ARMC8: variants seen among roughly 807,000 people sequenced by gnomAD.
ARMC8 encodes armadillo repeat containing 8, also known as armadillo repeat-containing protein 8.
A neutral mutation model predicts 99.3 loss-of-function variants in ARMC8; 20 were observed. That is an observed-to-expected ratio of 0.20 (90% CI 0.14 to 0.29). The LOEUF (loss-of-function observed/expected upper bound fraction) is 0.29, where lower values mean the gene tolerates loss of function less well. ARMC8 is among the 10% of genes least tolerant of loss of function. The pLI is 1.00. For synonymous variants in ARMC8, 263 were observed against 278.3 expected, an observed-to-expected ratio of 0.95 and a Z score of 0.55; for missense variants, 569 against 809.5, an observed-to-expected ratio of 0.70 and a Z score of 3.60.
intron 1 of ARMC8, among the ~76,000 whole-genome samples, chr3:138,197,037 A>G (rs1010682749): frequency 5.9e-5 from 9 of 152,232 alleles, no homozygotes; most frequent in African/African-American, 2.2e-4. Flanking sequence ...CTTTGTTCAC[A>G]GAAAGGGCAT....
intron 10 of ARMC8, among the ~76,000 whole-genome samples, chr3:138,241,366 T>A (rs1463447566): frequency 2.0e-5 from 3 of 152,212 alleles, no homozygotes; most frequent in Non-Finnish European, 2.9e-5. Flanking sequence ...AAGGAAGAGA[T>A]AGCATACTTT....
chr3:138,281,012 A>G (rs1385324034), intron 18 of ARMC8, among the ~76,000 whole-genome samples: 1 of 152,154 alleles, frequency 6.6e-6, no homozygotes, highest in Non-Finnish European at 1.5e-5. Context: ...GTCTCTAGCA[A>G]CTACTCCTCT....
Position 138,202,288 on chromosome 3 carries a change from C to G in ARMC8, c.46-7529C>G, listed in dbSNP as rs555688300. 2.6e-5 allele frequency among the ~76,000 whole-genome samples: 4 copies of G among 152,234 alleles called. No individual in the cohort carries two copies. The East Asian group carries it at 7.7e-4, about 29-fold the overall frequency. ...GGGAATTGTAATGCTATTTTAATTT[C>G]TAAAGAGCAAATGAATTAAATGAAT... On this transcript the variant is annotated intron_variant, in intron 1 of 21. Coordinates refer to ENST00000469044, the MANE Select transcript of ARMC8 (RefSeq NM_001363941.2).
At chr3:138,255,418 A>G (rs577205952) in intron 12 of ARMC8, among the ~76,000 whole-genome samples, 44 of 151,930 alleles carry the variant, frequency 2.9e-4, no homozygotes, top group African/African-American at 9.4e-4. Context: ...TAGTCAGGAC[A>G]GTCTCGATCT....
chr3:138,255,944 C>A (rs568603610), intron 12 of ARMC8, among the ~76,000 whole-genome samples: 1 of 152,004 alleles, frequency 6.6e-6, no homozygotes, highest in Non-Finnish European at 1.5e-5. Context: ...TTCGCCTGGG[C>A]GACAGAGTGA....
intron 12 of ARMC8, among the ~76,000 whole-genome samples, chr3:138,252,216 A>T (rs1172293040): frequency 6.6e-6 from 1 of 152,188 alleles, no homozygotes; most frequent in Non-Finnish European, 1.5e-5. Flanking sequence ...AATTAAAAGA[A>T]GAATATTTTC....
At chr3:138,196,073 A>C (rs1254312124) in intron 1 of ARMC8, among the ~76,000 whole-genome samples, 1 of 152,218 alleles carries the variant, frequency 6.6e-6, no homozygotes, top group Admixed American at 6.5e-5. Flanking sequence ...CCTGGAAAGT[A>C]ATTATCGAAC....
At chr3:138,279,930 A>T (rs1297528318) in intron 18 of ARMC8, among the ~76,000 whole-genome samples, 1 of 151,326 alleles carries the variant, frequency 6.6e-6, no homozygotes, top group Non-Finnish European at 1.5e-5. Flanking sequence ...TTGGAGACAG[A>T]GTCTCGCTGT....
intron 18 of ARMC8, among the ~76,000 whole-genome samples, chr3:138,282,635 C>CAAAA (rs760470914): frequency 2.1e-5 from 1 of 47,498 alleles, no homozygotes. Context: ...GACTCCATCT[C>CAAAA]AAAAAAAAAA....
At chr3:138,289,507 A>G (rs561966660) in intron 20 of ARMC8, among the ~76,000 whole-genome samples, 1 of 152,200 alleles carries the variant, frequency 6.6e-6, no homozygotes, top group Non-Finnish European at 1.5e-5. Context: ...GCAGATAAGC[A>G]TGATGGAGAA....
At chr3:138,200,349 T>A (rs559530196) in intron 1 of ARMC8, among the ~76,000 whole-genome samples, 5 of 152,344 alleles carry the variant, frequency 3.3e-5, no homozygotes, top group African/African-American at 1.2e-4. Flanking sequence ...CTGAAATGAA[T>A]GACTTTTGGT....
At chr3:138,272,135 G>A (rs2048860403) in intron 16 of ARMC8, among the ~76,000 whole-genome samples, 1 of 152,186 alleles carries the variant, frequency 6.6e-6, no homozygotes, top group Non-Finnish European at 1.5e-5. Flanking sequence ...TGGTAGCTCA[G>A]ACACACCTCC....
intron 5 of ARMC8, among the ~76,000 whole-genome samples, chr3:138,227,302 T>C (rs1041088983): frequency 1.3e-5 from 2 of 152,126 alleles, no homozygotes; most frequent in African/African-American, 2.4e-5. Context: ...TGTGAGAACA[T>C]AGAGAAAAGG....
chr3:138,271,798 C>CTTTTTTTTTTTTTTTTTTTTT lies in ARMC8; in HGVS notation c.1480-1154_1480-1153insTTTTTTTTTTTTTTTTTTTTT, dbSNP rs776320900. Among the ~76,000 whole-genome samples the CTTTTTTTTTTTTTTTTTTTTT allele has an allele frequency of 1.2e-4, 17 of 136,130 alleles. 1 individual carries two copies. Among genetic ancestry groups the CTTTTTTTTTTTTTTTTTTTTT allele is most frequent in the African/African-American group, 4.8e-4 (17 of 35,238 alleles). The allele number at this position is 136,130 out of a possible 152,430, so 89.3% of individuals were successfully genotyped here. ...AGTTCACAAGATTTTTTTTTTCTTTCTTTTTTTTTTTTTTTGATACAGAGT... is the reference window on the plus strand; with the variant it reads ...AGTTCACAAGATTTTTTTTTTCTTTCTTTTTTTTTTTTTTTTTTTTTTTTTTTTTTTTTTTTGATACAGAGT... On this transcript the variant is annotated intron_variant, in intron 16 of 21. Coordinates refer to ENST00000469044, the MANE Select transcript of ARMC8 (RefSeq NM_001363941.2).
intron 6 of ARMC8, among the ~76,000 whole-genome samples, chr3:138,229,336 CTTT>C (rs71304266): frequency 1.5e-5 from 2 of 132,614 alleles, no homozygotes; most frequent in African/African-American, 2.8e-5. Context: ...CTCCCTCATT[CTTT>C]TTTTTTTTTT....
chr3:138,239,592 G>C (rs894758598), intron 10 of ARMC8, 64 bp downstream of exon 10: 1 of 1,059,868 alleles, frequency 9.4e-7, no homozygotes, highest in Non-Finnish European at 1.4e-6. Context: ...TATCAGTATT[G>C]ATACTCATAT....
intron 2 of ARMC8, among the ~76,000 whole-genome samples, chr3:138,215,659 C>T (rs2108050609): frequency 6.6e-6 from 1 of 152,046 alleles, no homozygotes; most frequent in South Asian, 2.1e-4. Context: ...GTAGATTTTA[C>T]TCTTCATTTT....
intron 6 of ARMC8, among the ~76,000 whole-genome samples, chr3:138,231,961 C>CTTTTTTTTTTTTTT (rs61298993): frequency 3.4e-5 from 2 of 58,636 alleles, no homozygotes; most frequent in Admixed American, 3.2e-4. Flanking sequence ...CTTGCAATTG[C>CTTTTTTTTTTTTTT]TTTTTTTTTT....
rs148703772 is a variant in ARMC8, at chr3:138,193,671, A to C, written c.45+6072A>C. Among the ~76,000 whole-genome samples the C allele has an allele frequency of 2.6e-3, 389 of 152,336 alleles. 3 individuals carry two copies. Among genetic ancestry groups the C allele is most frequent in the African/African-American group, 9.1e-3 (379 of 41,572 alleles). The stretch of plus-strand genomic sequence containing the variant: ...CTTTTCATCCTCTTAACCACAATTT[A>C]AGATGAACCTTGATCTCATACCTTA... On this transcript the variant is annotated intron_variant, in intron 1 of 21. Coordinates refer to ENST00000469044, the MANE Select transcript of ARMC8 (RefSeq NM_001363941.2).
Sources: allele counts gnomAD v4.1 joint callset (sites outside exome capture counted in the v4.1 genomes callset), GRCh38; gene constraint gnomAD v4.1.1; transcripts MANE v1.5; gene names NCBI Gene and HGNC (gene_info 2026-07-23, HGNC 2026-07-21).